Variants in ULK2 observed in about 807,000 individuals in gnomAD.
ULK2 encodes unc-51 like autophagy activating kinase 2.
In ULK2, 76 loss-of-function variants were observed where a neutral mutation model predicts 127.5. That is an observed-to-expected ratio of 0.60 (90% confidence interval 0.50 to 0.72). The LOEUF is 0.72. ULK2 is among the 30% of genes least tolerant of loss of function. The pLI is 0.00. For missense variants in ULK2, 1,144 were observed against 1,295.9 expected, an observed-to-expected ratio of 0.88 and a Z score of 1.80; for synonymous variants, 452 against 461.9, an observed-to-expected ratio of 0.98 and a Z score of 0.28.
chr17:19,807,252 C>G (rs2087534156), intron 14 of ULK2, among the ~76,000 whole-genome samples: 1 of 152,106 alleles, frequency 6.6e-6, no homozygotes, highest in Non-Finnish European at 1.5e-5. Context: ...CAAGCAGCAT[C>G]AGAAAAGGGC....
At chr17:19,809,392 A>C (rs893223743) in intron 14 of ULK2, among the ~76,000 whole-genome samples, 45 of 152,290 alleles carry the variant, frequency 3.0e-4, no homozygotes, top group African/African-American at 9.9e-4. Flanking sequence ...ATGAACTATA[A>C]ACATTAAAAT....
At chr17:19,832,465 C>T (rs1001591879) in intron 10 of ULK2, among the ~76,000 whole-genome samples, 1 of 151,944 alleles carries the variant, frequency 6.6e-6, no homozygotes, top group African/African-American at 2.4e-5. Flanking sequence ...GCTTTCACCA[C>T]GTTGCCCAGG....
chr17:19,816,438 G>A (rs767728420), intron 13 of ULK2: 3 of 178,414 alleles, frequency 1.7e-5, no homozygotes, highest in Non-Finnish European at 3.5e-5. Flanking sequence ...CAAATGAGTT[G>A]TTCCTTTCTT....
intron 10 of ULK2, among the ~76,000 whole-genome samples, chr17:19,834,698 A>T (rs748772077): frequency 2.0e-5 from 3 of 152,002 alleles, no homozygotes; most frequent in Non-Finnish European, 2.9e-5. Context: ...GTGCGCTTGA[A>T]CCCAGGAGTT....
At chr17:19,847,284 G>A (rs2041906283) in intron 5 of ULK2, among the ~76,000 whole-genome samples, 1 of 152,040 alleles carries the variant, frequency 6.6e-6, no homozygotes, top group African/African-American at 2.4e-5. Flanking sequence ...TCAAATATCT[G>A]GAATAAGTGT....
rs760134511 is a variant in ULK2 at position 19,844,020 on chromosome 17, A to G, written c.544-798T>C. On this transcript the variant is annotated intron_variant, in intron 7 of 26. Coordinates refer to ENST00000395544, the MANE Select transcript of ULK2 (RefSeq NM_014683.4). ...TGGCAAAATGTTAACTTTGTGAAAT[A>G]CGGATGGTGGGTACATAGGTGTTTG... 7.2e-5 allele frequency among the ~76,000 whole-genome samples: 11 copies of G among 152,284 alleles called. No individual in the cohort carries two copies. In the South Asian group the frequency reaches 2.3e-3, roughly 32 times the overall value.
In ULK2 at chr17:19,867,339, GC is replaced by G. The variant is rs1215373337; in HGVS notation, c.78del (p.Arg27GlyfsTer10). The G allele has an allele frequency of 1.9e-6, 3 of 1,597,994 alleles. No individual in the cohort carries two copies. Among genetic ancestry groups the G allele is most frequent in the East Asian group, 2.3e-5 (1 of 43,518 alleles). On this transcript the variant is annotated frameshift_variant, in exon 1 of 27. Transcript: ENST00000395544. LOFTEE classifies it high-confidence loss of function. The stretch of plus-strand genomic sequence containing the variant: ...CGGCCGGCGCTCACCTGGCGGTGCC[GC>G]CCCCGGAAGACCACGGCGAAGGCCC... ...GHGAFAVVFR[G>X]RHRQKTDWEV... is the part of the protein sequence containing the mutation.
At chr17:19,822,772 C>T (rs376385913) in intron 12 of ULK2, among the ~76,000 whole-genome samples, 3 of 151,728 alleles carry the variant, frequency 2.0e-5, no homozygotes, top group East Asian at 1.9e-4. Flanking sequence ...CTGCAACCTC[C>T]GCCTCCCGGG....
At chr17:19,817,341 G>C (rs181164472) in intron 12 of ULK2, among the ~76,000 whole-genome samples, 7 of 151,986 alleles carry the variant, frequency 4.6e-5, no homozygotes, top group Non-Finnish European at 8.8e-5. Context: ...ACACACACAC[G>C]TTTTAAATAT....
In ULK2 at chr17:19,781,102, C is replaced by A. The variant is rs62636615; in HGVS notation, c.2642G>T (p.Arg881Leu). 1 of 1,613,556 alleles carries A rather than the reference C, an allele frequency of 6.2e-7. No individual in the cohort carries two copies. The highest frequency in any genetic ancestry group is 1.7e-5 in the Admixed American group (1 of 59,966). ...CATGTACAACACCAGCTGCTCCACCCGCCTGCACCCAAAAGACAGTAGCAG... is the reference window on the plus strand; with the variant it reads ...CATGTACAACACCAGCTGCTCCACCAGCCTGCACCCAAAAGACAGTAGCAG... ...QISQLSKDWG[R>L]VEQLVLYMKA... is the part of the protein sequence containing the mutation. The change falls in exon 24 of 27, where the codon CGG becomes CTG. Residue 881 changes from arginine (R) to leucine (L), a missense_variant and splice_region_variant. This residue lies in a region of ULK2 where 913 missense variants were observed against 970.5 expected (regional missense o/e 0.94). Transcript: ENST00000395544.
intron 15 of ULK2, 67 bp downstream of exon 15, chr17:19,804,626 C>T (rs948950648): frequency 7.3e-5 from 110 of 1,510,326 alleles, no homozygotes; most frequent in Non-Finnish European, 9.4e-5. Context: ...ACATATCTTC[C>T]AATATCAATA....
intron 22 of ULK2, among the ~76,000 whole-genome samples, chr17:19,783,282 C>T (rs889239369): frequency 1.3e-5 from 2 of 152,004 alleles, no homozygotes; most frequent in African/African-American, 4.8e-5. Flanking sequence ...GAAACCCCGT[C>T]TCTACTAAAA....
chr17:19,842,444 G>A (rs912806205), intron 8 of ULK2, among the ~76,000 whole-genome samples: 1 of 151,894 alleles, frequency 6.6e-6, no homozygotes. Flanking sequence ...TGATCTGCCC[G>A]CCTCGGCCTC....
intron 25 of ULK2, among the ~76,000 whole-genome samples, chr17:19,780,164 T>G (rs1214439334): frequency 7.0e-6 from 1 of 142,996 alleles, no homozygotes; most frequent in African/African-American, 2.6e-5. Flanking sequence ...ACAGAGTAAC[T>G]CCGTCTCAAG....
At chr17:19,808,532 A>G (rs1259387069) in intron 14 of ULK2, among the ~76,000 whole-genome samples, 2 of 152,234 alleles carry the variant, frequency 1.3e-5, no homozygotes, top group Non-Finnish European at 2.9e-5. Context: ...CATACCTGAC[A>G]AGAGGCTAAT....
chr17:19,833,364 C>A (rs1176431882), intron 10 of ULK2, among the ~76,000 whole-genome samples: 1 of 47,656 alleles, frequency 2.1e-5, no homozygotes, highest in African/African-American at 4.6e-5. Context: ...TTATTATAAA[C>A]AAATTTTTTT....
chr17:19,775,051 T>C lies in ULK2; in HGVS notation c.*1298A>G, dbSNP rs1365650640. On this transcript the variant is annotated 3_prime_UTR_variant, in exon 27 of 27. Transcript: ENST00000395544. ...ATTAGATTAATGCCAAAGAGCTCTG[T>C]GCAATTTGTCAAAGAGTTCAGATTA... 6.6e-6 allele frequency: 1 copy of C among 152,634 alleles called. No individual in the cohort carries two copies. The highest frequency in any genetic ancestry group is 1.5e-5 in the Non-Finnish European group (1 of 68,024). The allele number at this position is 152,634 out of a possible 1,614,324, so 9.5% of individuals were successfully genotyped here.
In ULK2 at chr17:19,846,847, C is replaced by A; in HGVS notation, c.359G>T (p.Arg120Leu). Reference sequence around the variant, plus strand: ...GATGATTCCTTTGCTGTGCAGGATTCGCATGGCAGCAGCAATCTGATGCAG... The same window carrying A: ...GATGATTCCTTTGCTGTGCAGGATTAGCATGGCAGCAGCAATCTGATGCAG... The part of the protein sequence containing the change: ...VFLHQIAAAM[R>L]ILHSKGIIHR... The change falls in exon 6 of 27, where the codon CGA becomes CTA. Residue 120 changes from arginine (R) to leucine (L), a missense_variant. This residue lies in a region of ULK2 where 231 missense variants were observed against 325.4 expected (regional missense o/e 0.71). Transcript: ENST00000395544. 1 of 1,613,870 alleles carries A rather than the reference C, an allele frequency of 6.2e-7. No individual in the cohort carries two copies.
rs774968015 is a variant in ULK2 at position 19,786,074 on chromosome 17, G to T, written c.2114C>A (p.Ala705Asp). 1 of 1,561,544 alleles carries T rather than the reference G, an allele frequency of 6.4e-7. No individual in the cohort carries two copies. Among genetic ancestry groups the T allele is most frequent in the East Asian group, 2.5e-5 (1 of 40,558 alleles). The change falls in exon 21 of 27, where the codon GCC becomes GAC. Residue 705 changes from alanine to aspartate, a missense_variant. Around this residue, in one of 2 missense-constraint regions of ULK2, gnomAD observed 913 missense variants for 970.5 expected, o/e 0.94. Transcript: ENST00000395544. ...ERPMDIAPAG[A>D]CGGVLAPPAG... ...AGGAGGTGCCAGAACACCACCACAG[G>T]CTCCTGCCGGAGCTACAACAAAAAG... is the stretch of plus-strand genomic sequence containing the variant.
Sources: allele counts gnomAD v4.1 joint callset (sites outside exome capture counted in the v4.1 genomes callset), GRCh38; gene constraint gnomAD v4.1.1; regional missense constraint gnomAD v4.1.1; transcripts MANE v1.5; gene names NCBI Gene and HGNC (gene_info 2026-07-23, HGNC 2026-07-21).